Variants in KCNIP4 observed in about 807,000 individuals in gnomAD.
KCNIP4 encodes potassium voltage-gated channel interacting protein 4.
A neutral mutation model predicts 34.0 loss-of-function variants in KCNIP4; 12 were observed. The observed-to-expected ratio is 0.35, with a 90% CI of 0.23 to 0.57. KCNIP4 has a LOEUF of 0.57. Among genes scored for constraint, KCNIP4 ranks in the 20% least tolerant of loss-of-function variants. The probability of loss-of-function intolerance (pLI) is 0.83; values close to 1 mark genes in which losing one functional copy is unlikely to be tolerated. For missense variants in KCNIP4, 238 were observed against 311.7 expected (o/e 0.76, Z 1.78); for synonymous variants, 124 against 102.2 (o/e 1.21, Z -1.29).
At chr4:21,035,408 T>C (rs1560664833) in intron 1 of KCNIP4, among the ~76,000 whole-genome samples, 1 of 152,226 alleles carries the variant, frequency 6.6e-6, no homozygotes, top group South Asian at 2.1e-4. Flanking sequence ...CAAGCAATTG[T>C]TATCTTTACT....
At chr4:21,215,946 G>T (rs1757545756) in intron 1 of KCNIP4, among the ~76,000 whole-genome samples, 1 of 152,060 alleles carries the variant, frequency 6.6e-6, no homozygotes, top group Non-Finnish European at 1.5e-5. Context: ...CTCCCAAGTA[G>T]CTGGGACCAC....
chr4:21,280,614 A>G (rs186835480), intron 1 of KCNIP4, among the ~76,000 whole-genome samples: 32 of 152,328 alleles, frequency 2.1e-4, no homozygotes, highest in South Asian at 1.4e-3. Context: ...TATTTTCCCC[A>G]AAAGTCCAAA....
intron 1 of KCNIP4, among the ~76,000 whole-genome samples, chr4:21,168,181 G>T (rs1560777027): frequency 6.6e-6 from 1 of 152,140 alleles, no homozygotes; most frequent in Non-Finnish European, 1.5e-5. Context: ...AAGGCTTCTT[G>T]CATCCCCATT....
At chr4:21,809,401 A>G (rs1313636962) in intron 1 of KCNIP4, among the ~76,000 whole-genome samples, 1 of 152,142 alleles carries the variant, frequency 6.6e-6, no homozygotes, top group Non-Finnish European at 1.5e-5. Context: ...ACACCACTGG[A>G]CTTCCAGGTT....
chr4:20,995,791 G>T (rs1056856562), intron 1 of KCNIP4, among the ~76,000 whole-genome samples: 1 of 152,144 alleles, frequency 6.6e-6, no homozygotes, highest in Non-Finnish European at 1.5e-5. Flanking sequence ...GCAAAAAAAT[G>T]TTGACACCGG....
At chr4:21,569,148 G>A (rs763694048) in intron 1 of KCNIP4, among the ~76,000 whole-genome samples, 3 of 141,594 alleles carry the variant, frequency 2.1e-5, no homozygotes, top group Admixed American at 7.5e-5. Flanking sequence ...TGTTCAGGCT[G>A]CTCTAACAAA....
At chr4:21,757,123 G>T (rs866274350) in intron 1 of KCNIP4, among the ~76,000 whole-genome samples, 20 of 21,248 alleles carry the variant, frequency 9.4e-4, no homozygotes, top group East Asian at 6.5e-3. Flanking sequence ...AAGAAAGAAA[G>T]AAAGAAAGAA....
chr4:20,902,956 T>C (rs1030911724), intron 1 of KCNIP4, among the ~76,000 whole-genome samples: 1 of 152,244 alleles, frequency 6.6e-6, no homozygotes, highest in East Asian at 1.9e-4. Context: ...TATGAAAACA[T>C]ATTACATAGA....
At chr4:20,935,080 C>T (rs1730918638) in intron 1 of KCNIP4, among the ~76,000 whole-genome samples, 1 of 152,178 alleles carries the variant, frequency 6.6e-6, no homozygotes, top group Non-Finnish European at 1.5e-5. Context: ...CTTGAGGACA[C>T]AGTCATTGGA....
At chr4:21,178,441 GT>G (rs1486954616) in intron 1 of KCNIP4, among the ~76,000 whole-genome samples, 2 of 152,176 alleles carry the variant, frequency 1.3e-5, no homozygotes, top group East Asian at 3.9e-4. Context: ...CAGTTCCATC[GT>G]TACTGGGGTT....
At chr4:21,939,325 A>C (rs1730063967) in intron 1 of KCNIP4, among the ~76,000 whole-genome samples, 1 of 152,074 alleles carries the variant, frequency 6.6e-6, no homozygotes, top group African/African-American at 2.4e-5. Flanking sequence ...CTGTACTTAA[A>C]TTACATCAGA....
chr4:21,340,712 A>G (rs1716674363), intron 1 of KCNIP4, among the ~76,000 whole-genome samples: 1 of 152,154 alleles, frequency 6.6e-6, no homozygotes, highest in African/African-American at 2.4e-5. Context: ...TTTTCAGAAC[A>G]CAAACTTCTC....
At chr4:21,772,657 T>A (rs1042673441) in intron 1 of KCNIP4, among the ~76,000 whole-genome samples, 1 of 152,170 alleles carries the variant, frequency 6.6e-6, no homozygotes, top group Non-Finnish European at 1.5e-5. Context: ...TGGTAGGGTG[T>A]ATTTGTCCAG....
intron 3 of KCNIP4, among the ~76,000 whole-genome samples, chr4:20,846,186 G>C (rs1720346411): frequency 6.6e-6 from 1 of 152,092 alleles, no homozygotes; most frequent in Non-Finnish European, 1.5e-5. Context: ...TTATAATCCA[G>C]AGCAAAGAAA....
chr4:20,931,527 G>GTACTC (rs1173150219), intron 1 of KCNIP4, among the ~76,000 whole-genome samples: 1 of 152,030 alleles, frequency 6.6e-6, no homozygotes, highest in African/African-American at 2.4e-5. Flanking sequence ...TTACTGTACT[G>GTACTC]TACTGAATAC....
intron 3 of KCNIP4, among the ~76,000 whole-genome samples, chr4:20,799,741 A>T (rs77127128): frequency 2.0e-5 from 3 of 152,098 alleles, no homozygotes; most frequent in African/African-American, 7.2e-5. Context: ...ACTATGTGCT[A>T]TCTCATCCCT....
intron 4 of KCNIP4, among the ~76,000 whole-genome samples, 176 bp downstream of exon 4, chr4:20,758,645 T>C (rs1578550263): frequency 6.6e-6 from 1 of 152,346 alleles, no homozygotes; most frequent in East Asian, 1.9e-4. Context: ...TATTTGATAA[T>C]TTCTAAGTCG....
chr4:21,668,043 A>C (rs572826530), intron 1 of KCNIP4, among the ~76,000 whole-genome samples: 33 of 152,360 alleles, frequency 2.2e-4, no homozygotes, highest in African/African-American at 7.7e-4. Flanking sequence ...ATGGAATACT[A>C]TGCAGCCATA....
intron 1 of KCNIP4, among the ~76,000 whole-genome samples, chr4:21,167,323 A>G (rs1269719275): frequency 6.6e-6 from 1 of 152,224 alleles, no homozygotes; most frequent in African/African-American, 2.4e-5. Flanking sequence ...TAGATACTTT[A>G]AATATGTACA....
Sources: allele counts gnomAD v4.1 joint callset (sites outside exome capture counted in the v4.1 genomes callset), GRCh38; gene constraint gnomAD v4.1.1; transcripts MANE v1.5; gene names NCBI Gene and HGNC (gene_info 2026-07-23, HGNC 2026-07-21).